The following TM9SF2 variants were observed in gnomAD, a reference collection of about 807,000 sequenced individuals.
The protein encoded by TM9SF2 is 76 kDa membrane protein.
In TM9SF2, 13 loss-of-function variants were observed where a neutral mutation model predicts 84.9. The observed-to-expected ratio is 0.15, with a 90% CI of 0.10 to 0.24. The LOEUF (loss-of-function observed/expected upper bound fraction) is 0.24. Ranked by LOEUF, TM9SF2 falls within the 10% of genes least tolerant of loss-of-function variation. The pLI, the probability that TM9SF2 is intolerant of heterozygous loss-of-function variation, is 1.00. For missense variants in TM9SF2, 562 were observed against 818.5 expected, an observed-to-expected ratio of 0.69 and a Z score of 3.82; for synonymous variants, 273 against 285.8, an observed-to-expected ratio of 0.96 and a Z score of 0.45.
At chr13:99,538,579 T>C (rs2046244581) in intron 6 of TM9SF2, among the ~76,000 whole-genome samples, 1 of 152,040 alleles carries the variant, frequency 6.6e-6, no homozygotes, top group African/African-American at 2.4e-5. Context: ...GAGGATCACT[T>C]GAGGCCAGGA....
intron 3 of TM9SF2, 39 bp from the exon 4 acceptor site, chr13:99,529,428 A>G (rs1405492983): frequency 1.4e-5 from 21 of 1,466,478 alleles, no homozygotes; most frequent in Non-Finnish European, 1.8e-5. Flanking sequence ...AAACCTGGAT[A>G]TTTTTTCTGA....
rs763791551 is a variant in TM9SF2 at position 99,539,392 on chromosome 13, A to G, written c.717-54A>G. ...GTACAAAATCTGTAACCTTTACCTC[A>G]TTTTTAAAAAGTTGTACTTTATCAG... is the stretch of plus-strand genomic sequence containing the variant. On this transcript the variant is annotated intron_variant, in intron 6 of 16. Coordinates refer to ENST00000376387, the MANE Select transcript of TM9SF2 (RefSeq NM_004800.3). 26 of 1,122,012 alleles carry G rather than the reference A, an allele frequency of 2.3e-5. No individual in the cohort carries two copies. The Middle Eastern group carries it at 1.4e-3, about 60-fold the overall frequency. The allele number at this position is 1,122,012 out of a possible 1,614,324, so 69.5% of individuals were successfully genotyped here. A position where few individuals can be genotyped will look rare whatever the true frequency, so the allele number is the denominator to read the frequency against.
At position 99,501,699 on chromosome 13, in the gene TM9SF2, C is replaced by T. The variant is rs776541579; in HGVS notation, c.93C>T (p.Arg31=). The change falls in exon 1 of 17, where the codon CGC becomes CGT. Residue 31 remains arginine, a synonymous_variant. Transcript: ENST00000376387. The stretch of plus-strand genomic sequence containing the variant: ...TGCTGGGGGCGGTTCCTGGCCCGCG[C>T]CGGAGCGGCGCTTTCTACCTGCCCG... ...LLLLGAVPGP[R]RSGAFYLPGL... is the part of the protein sequence containing the mutation. The T allele has an allele frequency of 8.7e-6, 14 of 1,611,948 alleles. No homozygotes were observed. Among genetic ancestry groups the T allele is most frequent in the Admixed American group, 1.7e-5 (1 of 59,436 alleles).
chr13:99,541,666 C>T lies in TM9SF2; in HGVS notation c.1016C>T (p.Thr339Met), dbSNP rs369788371. ...GCTAGATATAATCAGATGGACTCTA[C>T]GGTAAGTGGAAACATTTTAGTCTTT... is the stretch of plus-strand genomic sequence containing the variant. ...DIARYNQMDS[T>M]EDAQEEFGWK... is the part of the protein sequence containing the mutation. Residue 339 changes from threonine (T) to methionine (M), a missense_variant and splice_region_variant, in exon 9 of 17, where the codon ACG becomes ATG. Physicochemically the swap from Thr to Met is moderately conservative, Grantham distance 81. Around this residue, in one of 4 missense-constraint regions of TM9SF2, gnomAD observed 219 missense variants for 338.1 expected, o/e 0.65. Coordinates refer to ENST00000376387, the MANE Select transcript of TM9SF2 (RefSeq NM_004800.3). The T allele has an allele frequency of 3.1e-5, 50 of 1,595,480 alleles. No individual in the cohort carries two copies. The highest frequency in any genetic ancestry group is 3.3e-4 in the Middle Eastern group (2 of 6,034).
chr13:99,517,666 C>T lies in TM9SF2; in HGVS notation c.224C>T (p.Pro75Leu). The change falls in exon 2 of 17, where the codon CCT (proline) becomes CTT (leucine). Residue 75 changes from proline to leucine, a missense_variant. Pro to Leu is a moderately conservative substitution (Grantham distance 98). Coordinates refer to ENST00000376387, the MANE Select transcript of TM9SF2 (RefSeq NM_004800.3). ...CTTGATTCAGTGGAATCAGTTCTTC[C>T]TTATGAATACACAGCGTAAGTTTTT... ...NRLDSVESVL[P>L]YEYTAFDFCQ... 6.3e-7 allele frequency: 1 copy of T among 1,590,460 alleles called. No individual in the cohort carries two copies. The highest frequency in any genetic ancestry group is 8.5e-7 in the Non-Finnish European group (1 of 1,170,416).
chr13:99,536,313 CT>C (rs2046234210), intron 4 of TM9SF2, among the ~76,000 whole-genome samples: 1 of 120,636 alleles, frequency 8.3e-6, no homozygotes, highest in Non-Finnish European at 1.8e-5. Flanking sequence ...TTTTTTTTTT[CT>C]TTTTTTAAGG....
chr13:99,527,107 A>T (rs2046186856), intron 3 of TM9SF2, among the ~76,000 whole-genome samples: 1 of 152,110 alleles, frequency 6.6e-6, no homozygotes. Context: ...AGTGGAAGGG[A>T]TTAAGCAGTT....
Position 99,501,701 on chromosome 13 carries a change from G to A in TM9SF2, c.95G>A (p.Arg32Gln). Reference sequence around the variant, plus strand: ...CTGGGGGCGGTTCCTGGCCCGCGCCGGAGCGGCGCTTTCTACCTGCCCGGC... The same window carrying A: ...CTGGGGGCGGTTCCTGGCCCGCGCCAGAGCGGCGCTTTCTACCTGCCCGGC... ...LLLGAVPGPRRSGAFYLPGLA... is the reference protein window; with the variant it reads ...LLLGAVPGPRQSGAFYLPGLA... The change falls in exon 1 of 17, where the codon CGG becomes CAG. Residue 32 changes from arginine to glutamine, a missense_variant. Physicochemically the swap from Arg to Gln is conservative, Grantham distance 43. Transcript: ENST00000376387. 6.2e-7 allele frequency: 1 copy of A among 1,611,482 alleles called. No individual in the cohort carries two copies. Among genetic ancestry groups the A allele is most frequent in the East Asian group, 2.2e-5 (1 of 44,828 alleles).
chr13:99,552,358 A>G, intron 13 of TM9SF2, 32 bp downstream of exon 13: 1 of 1,593,862 alleles, frequency 6.3e-7, no homozygotes, highest in Non-Finnish European at 8.6e-7. Context: ...TATTCAGGTG[A>G]ATTTTAGCTG....
At chr13:99,559,781 G>A (rs945945897) in intron 16 of TM9SF2, among the ~76,000 whole-genome samples, 12 of 151,548 alleles carry the variant, frequency 7.9e-5, no homozygotes, top group Non-Finnish European at 1.3e-4. Flanking sequence ...GCATGGGCCA[G>A]TACAGCTCAT....
At chr13:99,552,476 A>AT in intron 13 of TM9SF2, 150 bp downstream of exon 13, 1 of 841,072 alleles carries the variant, frequency 1.2e-6, no homozygotes, top group Non-Finnish European at 1.8e-6. Context: ...TAGTAGTATT[A>AT]TTTAGGAGCG....
chr13:99,507,202 A>G (rs570090595), intron 1 of TM9SF2, among the ~76,000 whole-genome samples: 1 of 152,278 alleles, frequency 6.6e-6, no homozygotes, highest in Admixed American at 6.5e-5. Context: ...CCAGAATGCA[A>G]ACAAGCCCAA....
intron 4 of TM9SF2, among the ~76,000 whole-genome samples, chr13:99,533,420 A>G (rs1643382235): frequency 6.6e-6 from 1 of 152,210 alleles, no homozygotes; most frequent in Admixed American, 6.5e-5. Context: ...AAAATATTGT[A>G]CACGTTATTC....
intron 1 of TM9SF2, among the ~76,000 whole-genome samples, chr13:99,502,960 T>C (rs1035426795): frequency 6.6e-6 from 1 of 152,208 alleles, no homozygotes; most frequent in African/African-American, 2.4e-5. Context: ...GAATGACATG[T>C]TTATACATCT....
intron 16 of TM9SF2, among the ~76,000 whole-genome samples, chr13:99,562,281 A>G (rs2046347742): frequency 6.6e-6 from 1 of 152,244 alleles, no homozygotes; most frequent in Non-Finnish European, 1.5e-5. Flanking sequence ...CAATAACTGT[A>G]CTTAGAAAAT....
At chr13:99,546,613 A>G (rs1295842873) in intron 10 of TM9SF2, among the ~76,000 whole-genome samples, 1 of 151,974 alleles carries the variant, frequency 6.6e-6, no homozygotes, top group African/African-American at 2.4e-5. Context: ...TTTTAATGAA[A>G]GAACAGTGGG....
intron 3 of TM9SF2, among the ~76,000 whole-genome samples, chr13:99,523,461 T>G (rs2046169128): frequency 6.6e-6 from 1 of 152,212 alleles, no homozygotes. Flanking sequence ...TTATCTTATT[T>G]TAGATCTGCT....
intron 4 of TM9SF2, among the ~76,000 whole-genome samples, chr13:99,534,092 A>G (rs997454156): frequency 6.6e-6 from 1 of 152,222 alleles, no homozygotes; most frequent in Non-Finnish European, 1.5e-5. Flanking sequence ...AGCACTGGAC[A>G]CTTAAAACTC....
chr13:99,533,689 C>T lies in TM9SF2; in HGVS notation c.462-2919C>T, dbSNP rs143698471. 7.2e-5 allele frequency among the ~76,000 whole-genome samples: 11 copies of T among 152,224 alleles called. No homozygotes were observed. In the East Asian group the frequency reaches 1.4e-3, roughly 19 times the overall value. On this transcript the variant is annotated intron_variant, in intron 4 of 16. Transcript: ENST00000376387. ...TGTTGTTGTTGTTGAGACAGAGTCT[C>T]GCTCTGTCTCCCAGGCTGGAGTGCA...
Sources: allele counts gnomAD v4.1 joint callset (sites outside exome capture counted in the v4.1 genomes callset), GRCh38; gene constraint gnomAD v4.1.1; regional missense constraint gnomAD v4.1.1; transcripts MANE v1.5; gene names NCBI Gene and HGNC (gene_info 2026-07-23, HGNC 2026-07-21).